The following DHRS2 variants were observed in gnomAD, a reference collection of about 807,000 sequenced individuals.
DHRS2 encodes the protein dehydrogenase/reductase SDR family member 2, mitochondrial.
A neutral mutation model predicts 26.3 loss-of-function variants in DHRS2; 29 were observed. That is an observed-to-expected ratio of 1.10 (90% CI 0.82 to 1.50). The LOEUF is 1.50. DHRS2 is among the 40% of genes most tolerant of loss of function. The pLI, the probability that DHRS2 is intolerant of heterozygous loss-of-function variation, is 0.00. For missense variants in DHRS2, 439 were observed against 367.1 expected (o/e 1.20, Z -1.60); for synonymous variants, 164 against 151.3 (o/e 1.08, Z -0.62).
intron 2 of DHRS2, 85 bp from the exon 3 acceptor site, chr14:23,639,094 T>G (rs1890501883): frequency 1.9e-6 from 3 of 1,592,688 alleles, no homozygotes; most frequent in South Asian, 2.3e-5. Context: ...AGACCCAGCC[T>G]TATTTGCTGA....
rs766128647 is a variant in DHRS2 at position 23,645,306 on chromosome 14, G to T, written c.*53G>T. 5.0e-6 allele frequency: 8 copies of T among 1,611,594 alleles called. No individual in the cohort carries two copies. Among genetic ancestry groups the T allele is most frequent in the Non-Finnish European group, 5.9e-6 (7 of 1,179,590 alleles). On this transcript the variant is annotated 3_prime_UTR_variant, in exon 9 of 9. Coordinates refer to ENST00000250383, the MANE Select transcript of DHRS2 (RefSeq NM_005794.4). ...GGTCCCAGGCCCAGGAGCCTGAGGG[G>T]GTGTCTAGGTGATCATTTGGATCTG...
upstream of DHRS2, among the ~76,000 whole-genome samples, chr14:23,634,586 T>C (rs1890215958): frequency 6.6e-6 from 1 of 152,216 alleles, no homozygotes; most frequent in South Asian, 2.1e-4. Context: ...AACAGTATAT[T>C]TTTTAAGATT....
At chr14:23,635,713 C>G (rs1566696776), upstream of DHRS2, among the ~76,000 whole-genome samples, 2 of 152,382 alleles carry the variant, frequency 1.3e-5, no homozygotes, top group Non-Finnish European at 1.5e-5. Context: ...TTGAGGAGCC[C>G]TTCAGCCCAC....
At chr14:23,637,130 C>T (rs1039334764) in intron 1 of DHRS2, among the ~76,000 whole-genome samples, 3 of 151,276 alleles carry the variant, frequency 2.0e-5, no homozygotes, top group African/African-American at 7.4e-5. Context: ...ACCTATCTAT[C>T]CTATCTATCC....
upstream of DHRS2, among the ~76,000 whole-genome samples, chr14:23,634,059 C>CTTTTTTTTTTTTT (rs58045171): frequency 1.2e-5 from 1 of 82,450 alleles, no homozygotes; most frequent in African/African-American, 4.8e-5. Context: ...TTTGCCCCTT[C>CTTTTTTTTTTTTT]TTTTTTTTTT....
intron 5 of DHRS2, chr14:23,643,578 T>G (rs1476754469): frequency 1.0e-5 from 3 of 291,604 alleles, no homozygotes; most frequent in African/African-American, 6.4e-5. Context: ...TTCCTCTCCA[T>G]AGGAAAAAGC....
rs1368202678 is a variant in DHRS2, at chr14:23,636,507, T to G, written c.-304T>G. The G allele has an allele frequency of 6.6e-6, 1 of 152,228 alleles. No homozygotes were observed. Among genetic ancestry groups the G allele is most frequent in the Non-Finnish European group, 1.5e-5 (1 of 68,098 alleles). 9.4% of individuals were successfully genotyped at this position (152,228 alleles called of 1,614,324 possible). A position where few individuals can be genotyped will look rare whatever the true frequency, so the allele number is the denominator to read the frequency against. Reference sequence around the variant, plus strand: ...CCGCGAAGGTCTGCAACTTCACTCCTGGGGCCAGCAAGACCACGAATGCAC... The same window carrying G: ...CCGCGAAGGTCTGCAACTTCACTCCGGGGGCCAGCAAGACCACGAATGCAC... On this transcript the variant is annotated 5_prime_UTR_variant, in exon 1 of 9. Transcript: ENST00000250383.
intron 1 of DHRS2, among the ~76,000 whole-genome samples, chr14:23,637,007 A>G (rs1376977327): frequency 6.6e-6 from 1 of 152,122 alleles, no homozygotes; most frequent in Non-Finnish European, 1.5e-5. Context: ...TTCTGGGCTG[A>G]GCTGAGGGTC....
chr14:23,637,367 G>A (rs986483858), intron 1 of DHRS2, among the ~76,000 whole-genome samples: 2 of 152,158 alleles, frequency 1.3e-5, no homozygotes, highest in African/African-American at 2.4e-5. Flanking sequence ...CAGTTGTAGG[G>A]GGAACTATCT....
At chr14:23,641,799 C>G in intron 4 of DHRS2, 1 of 1,283,390 alleles carries the variant, frequency 7.8e-7, no homozygotes, top group Non-Finnish European at 1.0e-6. Context: ...CTTCCCACAT[C>G]CAAGGGATTG....
chr14:23,640,164 T>TATAAATAAA, intron 4 of DHRS2: 8 of 765,052 alleles, frequency 1.0e-5, no homozygotes, highest in Non-Finnish European at 1.3e-5. Context: ...CAGGTATTTA[T>TATAAATAAA]TGCTGTCTGC....
intron 4 of DHRS2, chr14:23,641,786 C>G: frequency 7.8e-7 from 1 of 1,286,586 alleles, no homozygotes; most frequent in Non-Finnish European, 1.0e-6. Context: ...TTAAGTATTT[C>G]TCCTTCCCAC....
chr14:23,642,213 GTGTGTGTAGGCCCTTACA>G, intron 4 of DHRS2: 1 of 979,980 alleles, frequency 1.0e-6, no homozygotes, highest in South Asian at 4.3e-5. Flanking sequence ...CGATAAGCTG[GTGTGTGTAGGCCCTTACA>G]GCCTGCATTT....
chr14:23,639,099 T>A (rs1890502136), intron 2 of DHRS2, 80 bp from the exon 3 acceptor site: 5 of 1,592,526 alleles, frequency 3.1e-6, no homozygotes, highest in Non-Finnish European at 4.3e-6. Flanking sequence ...CAGCCTTATT[T>A]GCTGATTTCC....
At position 23,639,024 on chromosome 14, in the gene DHRS2, T is replaced by G. The variant is rs965913400; in HGVS notation, c.140+20T>G. 44 of 1,611,404 alleles carry G rather than the reference T, an allele frequency of 2.7e-5. No homozygotes were observed. The highest frequency in any genetic ancestry group is 3.6e-5 in the Non-Finnish European group (43 of 1,179,372). On this transcript the variant is annotated intron_variant, in intron 2 of 8. Transcript: ENST00000250383. ...CAGTGGGTGAGTGCTGGATTGCCCA[T>G]GGGTCCTGGCCCCTCACAGGGTCCT...
upstream of DHRS2, among the ~76,000 whole-genome samples, chr14:23,633,154 T>A (rs1890169089): frequency 6.6e-6 from 1 of 152,216 alleles, no homozygotes. Context: ...TATATCTTCA[T>A]ACCTGAGTCT....
At chr14:23,634,463 CTG>C (rs1033333374), upstream of DHRS2, among the ~76,000 whole-genome samples, 7 of 152,166 alleles carry the variant, frequency 4.6e-5, no homozygotes, top group African/African-American at 1.7e-4. Flanking sequence ...CTGCATTTCT[CTG>C]TATTTTTGTC....
At chr14:23,634,920 C>T (rs1890225909), upstream of DHRS2, among the ~76,000 whole-genome samples, 1 of 152,190 alleles carries the variant, frequency 6.6e-6, no homozygotes, top group African/African-American at 2.4e-5. Context: ...CCTCCTGCTC[C>T]AGCTGTGTAA....
chr14:23,638,821 C>A lies in DHRS2; in HGVS notation c.-38-6C>A. On this transcript the variant is annotated splice_region_variant and splice_polypyrimidine_tract_variant and intron_variant, in intron 1 of 8. Transcript: ENST00000250383. ...AGTGATAAGTGAAATTGATTCTTTC[C>A]CCCAGGCCTGATTCAGCAGGAAGCA... The A allele has an allele frequency of 6.3e-7, 1 of 1,599,796 alleles. No individual in the cohort carries two copies. Among genetic ancestry groups the A allele is most frequent in the South Asian group, 1.1e-5 (1 of 89,026 alleles).
Sources: gnomAD v4.1 joint callset for allele counts (sites outside exome capture counted in the v4.1 genomes callset) on GRCh38, gnomAD v4.1.1 for gene constraint, MANE v1.5 for transcripts, NCBI Gene and HGNC (gene_info 2026-07-23, HGNC 2026-07-21) for gene names.